The following TMEM163 variants were observed in gnomAD, a reference collection of about 807,000 sequenced individuals.
TMEM163 encodes the protein transmembrane protein 163.
Under a neutral mutation model 29.3 loss-of-function variants are expected in TMEM163, and 17 were observed. The observed-to-expected ratio is 0.58, with a 90% confidence interval of 0.40 to 0.87. The LOEUF (loss-of-function observed/expected upper bound fraction) is 0.87. Ranked by LOEUF, TMEM163 falls within the 40% of genes least tolerant of loss-of-function variation. TMEM163 has a pLI of 0.00. For synonymous variants in TMEM163, 157 were observed against 160.6 expected, an observed-to-expected ratio of 0.98 and a Z score of 0.17; for missense variants, 303 against 381.5, an observed-to-expected ratio of 0.79 and a Z score of 1.71.
chr2:134,639,884 G>A (rs1683189114), intron 2 of TMEM163, among the ~76,000 whole-genome samples: 1 of 152,116 alleles, frequency 6.6e-6, no homozygotes, highest in Admixed American at 6.5e-5. Flanking sequence ...GTCAGTAATA[G>A]CATTAAATTC....
Position 134,718,745 on chromosome 2 carries a change from A to C in TMEM163, c.191T>G (p.Leu64Arg), listed in dbSNP as rs753163132. The change falls in exon 1 of 8, where the codon CTG becomes CGG. Residue 64 changes from leucine (L) to arginine (R), a missense_variant. By Grantham distance (102) the Leu-to-Arg change is moderately radical. This residue lies in a region of TMEM163 where 100 missense variants were observed against 87.2 expected (regional missense o/e 1.15). Transcript: ENST00000281924. ...CAGCTCGCGCTCACCTCGGTCCTCC[A>C]GCCCGTCGCTGAACTGGCCGCTCTC... ...ISESGQFSDG[L>R]EDRGLLESST... The C allele has an allele frequency of 9.5e-6, 11 of 1,155,108 alleles. No homozygotes were observed. In the African/African-American group the frequency reaches 1.8e-4, roughly 19 times the overall value. The allele number at this position is 1,155,108 out of a possible 1,614,324, so 71.6% of individuals were successfully genotyped here.
At chr2:134,649,034 TGGAGACA>T (rs1683403895) in intron 2 of TMEM163, among the ~76,000 whole-genome samples, 1 of 152,156 alleles carries the variant, frequency 6.6e-6, no homozygotes, top group African/African-American at 2.4e-5. Context: ...GTCAGAACAC[TGGAGACA>T]TAATTCTCAG....
At chr2:134,582,608 A>G (rs1320285633) in intron 2 of TMEM163, among the ~76,000 whole-genome samples, 1 of 152,178 alleles carries the variant, frequency 6.6e-6, no homozygotes, top group Non-Finnish European at 1.5e-5. Flanking sequence ...CTAATCAGAA[A>G]CCCAAGCCCA....
chr2:134,478,707 G>T (rs1048076649), intron 5 of TMEM163, among the ~76,000 whole-genome samples: 1 of 152,182 alleles, frequency 6.6e-6, no homozygotes, highest in Non-Finnish European at 1.5e-5. Flanking sequence ...TGGGCCCATG[G>T]TAGGGAAGGA....
intron 2 of TMEM163, among the ~76,000 whole-genome samples, chr2:134,707,013 C>A (rs565959215): frequency 6.6e-6 from 1 of 152,198 alleles, no homozygotes; most frequent in African/African-American, 2.4e-5. Flanking sequence ...TGGTCCCCAC[C>A]TCTCAGAAGC....
chr2:134,571,814 A>G (rs1681438017), intron 2 of TMEM163, among the ~76,000 whole-genome samples: 1 of 152,018 alleles, frequency 6.6e-6, no homozygotes, highest in African/African-American at 2.4e-5. Flanking sequence ...CCTGTTAGAG[A>G]CTCGGTGACC....
chr2:134,474,445 G>GAA (rs36038749), intron 5 of TMEM163, among the ~76,000 whole-genome samples: 1 of 151,812 alleles, frequency 6.6e-6, no homozygotes, highest in Non-Finnish European at 1.5e-5. Context: ...AACCAACGGT[G>GAA]AAAAAATGAA....
At chr2:134,641,179 G>A (rs574783824) in intron 2 of TMEM163, among the ~76,000 whole-genome samples, 45 of 152,198 alleles carry the variant, frequency 3.0e-4, no homozygotes, top group African/African-American at 1.0e-3. Flanking sequence ...GCAGAAACAG[G>A]CCCACACATA....
At position 134,650,025 on chromosome 2, in the gene TMEM163, AG is replaced by A. The variant is rs1322658521; in HGVS notation, c.322+63174del. On this transcript the variant is annotated intron_variant, in intron 2 of 7. Coordinates refer to ENST00000281924, the MANE Select transcript of TMEM163 (RefSeq NM_030923.5). ...GTCTTAAAAAAAAAAAAAAAAAAAA[AG>A]AATGATGTAGGTCTGCATATTATGG... Among the ~76,000 whole-genome samples the A allele has an allele frequency of 3.8e-4, 55 of 144,034 alleles. 5 individuals carry two copies. The highest frequency in any genetic ancestry group is 8.1e-4 in the African/African-American group (32 of 39,726). 94.5% of individuals were successfully genotyped at this position (144,034 alleles called of 152,430 possible).
chr2:134,678,395 G>T (rs981407005), intron 2 of TMEM163, among the ~76,000 whole-genome samples: 5 of 152,212 alleles, frequency 3.3e-5, no homozygotes, highest in Non-Finnish European at 7.3e-5. Flanking sequence ...ATTCTCATTG[G>T]CTGCCTTTTC....
intron 2 of TMEM163, among the ~76,000 whole-genome samples, chr2:134,556,600 G>A (rs927082387): frequency 2.6e-5 from 4 of 152,204 alleles, no homozygotes; most frequent in Admixed American, 6.5e-5. Context: ...CAGGAGCATC[G>A]CTTGAGGCCA....
At chr2:134,713,586 C>T (rs1684974509) in intron 1 of TMEM163, 1 of 585,546 alleles carries the variant, frequency 1.7e-6, no homozygotes, top group Non-Finnish European at 3.2e-6. Flanking sequence ...ACTCCACAGA[C>T]CCCACCACTC....
At chr2:134,686,340 C>T (rs114488758) in intron 2 of TMEM163, among the ~76,000 whole-genome samples, 15 of 152,304 alleles carry the variant, frequency 9.8e-5, no homozygotes, top group African/African-American at 2.6e-4. Context: ...AGCCTGCCCC[C>T]GGGCTCAACC....
chr2:134,574,887 A>C (rs1266778107), intron 2 of TMEM163, among the ~76,000 whole-genome samples: 2 of 152,162 alleles, frequency 1.3e-5, no homozygotes, highest in African/African-American at 2.4e-5. Flanking sequence ...GGCTTGCTGG[A>C]CTGAGCACCT....
intron 5 of TMEM163, among the ~76,000 whole-genome samples, chr2:134,492,968 G>C (rs1679462010): frequency 6.6e-6 from 1 of 152,194 alleles, no homozygotes; most frequent in Non-Finnish European, 1.5e-5. Context: ...CTCACCATCA[G>C]AGCATAAGAG....
At chr2:134,523,591 T>G (rs1397068615) in intron 4 of TMEM163, among the ~76,000 whole-genome samples, 1 of 152,230 alleles carries the variant, frequency 6.6e-6, no homozygotes, top group Non-Finnish European at 1.5e-5. Context: ...ACACCACGTT[T>G]CTCAGCAAAG....
chr2:134,625,140 GAGAA>G (rs1300198216), intron 2 of TMEM163, among the ~76,000 whole-genome samples: 1 of 152,082 alleles, frequency 6.6e-6, no homozygotes, highest in Non-Finnish European at 1.5e-5. Flanking sequence ...GAAAGGGAGA[GAGAA>G]AGAGAGAATG....
At chr2:134,646,566 T>A (rs1180038198) in intron 2 of TMEM163, among the ~76,000 whole-genome samples, 1 of 152,160 alleles carries the variant, frequency 6.6e-6, no homozygotes, top group Non-Finnish European at 1.5e-5. Flanking sequence ...TGCCTCAGCC[T>A]CCCACGTAGC....
chr2:134,612,162 C>T (rs189366984), intron 2 of TMEM163, among the ~76,000 whole-genome samples: 1 of 152,254 alleles, frequency 6.6e-6, no homozygotes, highest in East Asian at 1.9e-4. Context: ...CTGAAAAAGC[C>T]CCATTTGCAA....
Sources: allele counts gnomAD v4.1 joint callset (sites outside exome capture counted in the v4.1 genomes callset), GRCh38; gene constraint gnomAD v4.1.1; regional missense constraint gnomAD v4.1.1; transcripts MANE v1.5; gene names NCBI Gene and HGNC (gene_info 2026-07-23, HGNC 2026-07-21).